Variants in IQGAP1 observed in about 807,000 individuals in gnomAD.
The protein encoded by IQGAP1 is IQ motif containing GTPase activating protein 1, also known as ras GTPase-activating-like protein IQGAP1.
IQGAP1 carries 66 observed loss-of-function variants against 215.6 expected under a neutral mutation model. The observed-to-expected ratio is 0.31, with a 90% confidence interval of 0.25 to 0.38. IQGAP1 has a LOEUF of 0.38. IQGAP1 is among the 10% of genes least tolerant of loss of function. The probability of loss-of-function intolerance (pLI) is 1.00; values close to 1 mark genes in which losing one functional copy is unlikely to be tolerated. For synonymous variants in IQGAP1, 772 were observed against 728.7 expected (o/e 1.06, Z -0.96); for missense variants, 1,712 against 1,997.1 (o/e 0.86, Z 2.72).
At chr15:90,446,734 A>G (rs1965532284) in intron 9 of IQGAP1, among the ~76,000 whole-genome samples, 1 of 152,194 alleles carries the variant, frequency 6.6e-6, no homozygotes, top group Non-Finnish European at 1.5e-5. Context: ...GAGGCCATTG[A>G]TGCTGCCCCA....
At chr15:90,406,007 T>A (rs1216526301) in intron 2 of IQGAP1, among the ~76,000 whole-genome samples, 4 of 152,182 alleles carry the variant, frequency 2.6e-5, no homozygotes, top group African/African-American at 9.7e-5. Context: ...ACTAATTGGA[T>A]AGGTATAATT....
intron 17 of IQGAP1, among the ~76,000 whole-genome samples, 175 bp downstream of exon 17, chr15:90,466,611 C>CG (rs991890618): frequency 1.3e-5 from 2 of 150,772 alleles, no homozygotes; most frequent in African/African-American, 4.9e-5. Flanking sequence ...CTTCCCCCCC[C>CG]CCTTGTGGAC....
intron 19 of IQGAP1, chr15:90,473,444 T>C (rs1330856854): frequency 2.2e-6 from 1 of 448,144 alleles, no homozygotes; most frequent in Non-Finnish European, 4.1e-6. Context: ...TCACCTGGTT[T>C]GTTGTAAGAA....
Position 90,476,719 on chromosome 15 carries a change from TATG to T in IQGAP1, c.2850_2852del (p.Met950del), listed in dbSNP as rs1250183528. 5 of 1,604,412 alleles carry T rather than the reference TATG, an allele frequency of 3.1e-6. No homozygotes were observed. Among genetic ancestry groups the T allele is most frequent in the Non-Finnish European group, 4.2e-6 (5 of 1,177,596 alleles). ...AAAAAAATAAGGAACAGTTGTCTGA[TATG>T]ATGATGATAAATAAACAGAAGGGAG... is the stretch of plus-strand genomic sequence containing the variant. On this transcript the variant is annotated inframe_deletion, in exon 24 of 38. Coordinates refer to ENST00000268182, the MANE Select transcript of IQGAP1 (RefSeq NM_003870.4).
chr15:90,495,764 A>G (rs1966264002), intron 36 of IQGAP1, among the ~76,000 whole-genome samples: 3 of 149,524 alleles, frequency 2.0e-5, no homozygotes, highest in Admixed American at 6.7e-5. Context: ...CAGCCTCCCA[A>G]TTAGGTGGGA....
At chr15:90,498,022 G>A (rs1020308945) in intron 37 of IQGAP1, among the ~76,000 whole-genome samples, 11 of 152,040 alleles carry the variant, frequency 7.2e-5, no homozygotes, top group Admixed American at 6.5e-4. Flanking sequence ...GTACATTTGG[G>A]CTTCTGCTCA....
chr15:90,414,012 C>A (rs537210031), intron 2 of IQGAP1, among the ~76,000 whole-genome samples: 2 of 152,248 alleles, frequency 1.3e-5, no homozygotes, highest in African/African-American at 4.8e-5. Context: ...CCCTCCTTCA[C>A]GTGTTCTTTT....
At chr15:90,455,321 C>T (rs938144647) in intron 14 of IQGAP1, among the ~76,000 whole-genome samples, 4 of 152,192 alleles carry the variant, frequency 2.6e-5, no homozygotes, top group African/African-American at 4.8e-5. Context: ...GCTGGTATCA[C>T]GTGACTCTAT....
intron 15 of IQGAP1, among the ~76,000 whole-genome samples, chr15:90,456,910 A>G (rs60637892): frequency 1.6e-3 from 184 of 113,190 alleles, no homozygotes; most frequent in Admixed American, 4.2e-3. Context: ...ATATATATAT[A>G]TGTGTGTGTG....
Position 90,448,653 on chromosome 15 carries a change from G to T in IQGAP1, c.994G>T (p.Ala332Ser), listed in dbSNP as rs1409133844. Reference sequence around the variant, plus strand: ...CTTGTTCAGGGCTCTGCAGTCACCAGCCCTGGGGCTTCGAGGACTGCAGCA... The same window carrying T: ...CTTGTTCAGGGCTCTGCAGTCACCATCCCTGGGGCTTCGAGGACTGCAGCA... ...LALFRALQSPALGLRGLQQQN... is the reference protein window; with the variant it reads ...LALFRALQSPSLGLRGLQQQN... The change falls in exon 10 of 38, where the codon GCC becomes TCC. Residue 332 changes from alanine to serine, a missense_variant. This residue lies in a region of IQGAP1 where 1,021 missense variants were observed against 1,074.2 expected (regional missense o/e 0.95). Transcript: ENST00000268182. 1 of 1,612,536 alleles carries T rather than the reference G, an allele frequency of 6.2e-7. No individual in the cohort carries two copies. Among genetic ancestry groups the T allele is most frequent in the Admixed American group, 1.7e-5 (1 of 59,748 alleles).
intron 30 of IQGAP1, 73 bp from the exon 31 acceptor site, chr15:90,485,957 T>A (rs1260934416): frequency 2.7e-6 from 3 of 1,115,940 alleles, no homozygotes; most frequent in African/African-American, 1.5e-5. Context: ...GTGCAGATCA[T>A]TGTTAGACAT....
chr15:90,466,006 C>T lies in IQGAP1; in HGVS notation c.1782C>T (p.Ile594=). 1 of 1,613,692 alleles carries T rather than the reference C, an allele frequency of 6.2e-7. No individual in the cohort carries two copies. Residue 594 remains isoleucine, a synonymous_variant, in exon 16 of 38, where the codon ATC becomes ATT. Transcript: ENST00000268182. ...TTGCTTTTAATGATATGTAGGAAATCCAGGATGAGTCAGCTGTGTTATGGT... is the reference window on the plus strand; with the variant it reads ...TTGCTTTTAATGATATGTAGGAAATTCAGGATGAGTCAGCTGTGTTATGGT... ...IRAKREKAQE[I]QDESAVLWLD... is the part of the protein sequence containing the mutation.
chr15:90,428,988 G>A (rs1965265540), intron 3 of IQGAP1, among the ~76,000 whole-genome samples: 1 of 152,116 alleles, frequency 6.6e-6, no homozygotes, highest in African/African-American at 2.4e-5. Context: ...GAGTAGCTGG[G>A]ATTACAGGTG....
chr15:90,463,607 T>G (rs1965791525), intron 15 of IQGAP1, among the ~76,000 whole-genome samples: 1 of 152,214 alleles, frequency 6.6e-6, no homozygotes, highest in Non-Finnish European at 1.5e-5. Flanking sequence ...ATTTTCTATT[T>G]TCAGTAATAG....
chr15:90,399,068 A>G (rs1055923611), intron 2 of IQGAP1, among the ~76,000 whole-genome samples: 3 of 151,016 alleles, frequency 2.0e-5, no homozygotes, highest in East Asian at 3.9e-4. Context: ...AGATACTCCT[A>G]CCTCAGCTTC....
chr15:90,491,770 A>T, intron 34 of IQGAP1: 2 of 499,808 alleles, frequency 4.0e-6, no homozygotes, highest in Admixed American at 3.4e-5. Flanking sequence ...GGAGCCTCCT[A>T]TGACCTTAAA....
At chr15:90,444,271 GTGTGTGTGTATATATA>G (rs1567128198) in intron 9 of IQGAP1, among the ~76,000 whole-genome samples, 1 of 117,424 alleles carries the variant, frequency 8.5e-6, no homozygotes. Flanking sequence ...GTGTGTGTGT[GTGTGTGTGTATATATA>G]TATTTTTTTT....
chr15:90,465,350 A>G (rs1238684350), intron 15 of IQGAP1, among the ~76,000 whole-genome samples: 2 of 152,218 alleles, frequency 1.3e-5, no homozygotes, highest in Non-Finnish European at 2.9e-5. Flanking sequence ...ATTCATATAT[A>G]TACCCTGGCC....
chr15:90,395,094 A>T (rs1964693930), intron 2 of IQGAP1, among the ~76,000 whole-genome samples: 1 of 152,070 alleles, frequency 6.6e-6, no homozygotes, highest in Non-Finnish European at 1.5e-5. Flanking sequence ...AAATGTAGAG[A>T]TTTCTGCTTT....
Sources: gnomAD v4.1 joint callset for allele counts (sites outside exome capture counted in the v4.1 genomes callset) on GRCh38, gnomAD v4.1.1 for gene constraint, gnomAD v4.1.1 regional missense constraint, MANE v1.5 for transcripts, NCBI Gene and HGNC (gene_info 2026-07-23, HGNC 2026-07-21) for gene names.